The following CELF1 variants were observed in gnomAD, a reference collection of about 807,000 sequenced individuals.
CELF1 encodes CUGBP Elav-like family member 1.
In CELF1, 10 loss-of-function variants were observed where a neutral mutation model predicts 61.8. The observed-to-expected ratio is 0.16, with a 90% CI of 0.10 to 0.27. The LOEUF is 0.27. Ranked by LOEUF, CELF1 falls within the 10% of genes least tolerant of loss-of-function variation. The pLI is 1.00. For missense variants in CELF1, 380 were observed against 639.1 expected (o/e 0.59, Z 4.37); for synonymous variants, 236 against 225.1 (o/e 1.05, Z -0.43).
In CELF1 at chr11:47,482,521, T is replaced by G. The variant is rs146677464; in HGVS notation, c.768+174A>C. The G allele has an allele frequency of 2.2e-4, 116 of 523,388 alleles. 1 individual carries two copies. The highest frequency in any genetic ancestry group is 1.1e-3 in the African/African-American group (59 of 51,892). The allele number at this position is 523,388 out of a possible 1,614,324, so 32.4% of individuals were successfully genotyped here. On this transcript the variant is annotated intron_variant, in intron 9 of 14. Coordinates refer to ENST00000687097, the MANE Select transcript of CELF1 (RefSeq NM_001376376.1). ...ATGCATGTCCAGAGATACATATATATAGAGAGAGAAAGAGACTAACAGGAC... is the reference window on the plus strand; with the variant it reads ...ATGCATGTCCAGAGATACATATATAGAGAGAGAGAAAGAGACTAACAGGAC...
chr11:47,537,245 AT>A (rs544458768), intron 1 of CELF1, among the ~76,000 whole-genome samples: 26,942 of 133,416 alleles, frequency 0.2, 3,019 homozygotes, highest in African/African-American at 0.31. Context: ...TACCATACAA[AT>A]TTTTTTTTTT....
chr11:47,533,779 C>T (rs11822402), intron 1 of CELF1, among the ~76,000 whole-genome samples: 29,521 of 134,364 alleles, frequency 0.22, 3,591 homozygotes, highest in African/African-American at 0.33. Context: ...AAGTGCACTC[C>T]AGCCTGGGCA....
chr11:47,553,769 G>C (rs976047863), upstream of CELF1, among the ~76,000 whole-genome samples: 3 of 151,588 alleles, frequency 2.0e-5, no homozygotes, highest in Non-Finnish European at 4.4e-5. Flanking sequence ...TTAAGAGACC[G>C]ATTGCCCAGC....
In CELF1 at chr11:47,483,546, A is replaced by G; in HGVS notation, c.527-14T>C. The G allele has an allele frequency of 6.3e-7, 1 of 1,598,976 alleles. No homozygotes were observed. The highest frequency in any genetic ancestry group is 8.6e-7 in the Non-Finnish European group (1 of 1,166,240). ...CAAATGCACAACCTGGTAAGAGAAGAGTCAGTAACTCATGCATTCATTTAT... is the reference window on the plus strand; with the variant it reads ...CAAATGCACAACCTGGTAAGAGAAGGGTCAGTAACTCATGCATTCATTTAT... On this transcript the variant is annotated splice_polypyrimidine_tract_variant and intron_variant, in intron 7 of 14. Transcript: ENST00000687097.
Position 47,472,352 on chromosome 11 carries a change from C to T in CELF1, c.1423G>A (p.Val475Ile), listed in dbSNP as rs2077960639. Residue 475 changes from valine to isoleucine, a missense_variant, in exon 15 of 15, where the codon GTA (valine) becomes ATA (isoleucine). Val to Ile is a conservative substitution (Grantham distance 29). Coordinates refer to ENST00000687097, the MANE Select transcript of CELF1 (RefSeq NM_001376376.1). ...GCCGAAACAGGATTGTCGTAACTTA[C>T]AAAACCTGTGTGTCCAAGCAGAAAC... is the stretch of plus-strand genomic sequence containing the variant. ...QTNLSKCFGF[V>I]SYDNPVSAQA... 2 of 1,613,912 alleles carry T rather than the reference C, an allele frequency of 1.2e-6. No individual in the cohort carries two copies. Among genetic ancestry groups the T allele is most frequent in the South Asian group, 1.1e-5 (1 of 91,070 alleles).
chr11:47,498,478 C>T (rs2093474671), intron 3 of CELF1, among the ~76,000 whole-genome samples: 1 of 152,190 alleles, frequency 6.6e-6, no homozygotes, highest in African/African-American at 2.4e-5. Context: ...TTGGTATCTA[C>T]TATTATCCAC....
At chr11:47,473,719 G>T (rs983456046) in intron 13 of CELF1, among the ~76,000 whole-genome samples, 3 of 152,194 alleles carry the variant, frequency 2.0e-5, no homozygotes, top group Admixed American at 1.3e-4. Context: ...CTAATCTGTG[G>T]TGATGGTTGC....
chr11:47,489,868 T>C (rs1199415876), intron 3 of CELF1, among the ~76,000 whole-genome samples: 4 of 151,244 alleles, frequency 2.6e-5, no homozygotes, highest in East Asian at 1.9e-4. Flanking sequence ...CATTCCTATC[T>C]TGCCACTGTA....
intron 7 of CELF1, 40 bp downstream of exon 7, chr11:47,484,348 AC>A: frequency 6.3e-7 from 1 of 1,586,434 alleles, no homozygotes; most frequent in Non-Finnish European, 8.5e-7. Flanking sequence ...CCAAACCAAA[AC>A]AAAAAACCAA....
intron 1 of CELF1, among the ~76,000 whole-genome samples, chr11:47,502,509 C>CGT (rs951061666): frequency 7.9e-5 from 12 of 151,924 alleles, no homozygotes; most frequent in Middle Eastern, 3.4e-3. Flanking sequence ...CCCGTGTGTG[C>CGT]GTGTGTGTGT....
chr11:47,474,764 T>C (rs2079242803), intron 13 of CELF1, among the ~76,000 whole-genome samples: 1 of 152,234 alleles, frequency 6.6e-6, no homozygotes. Context: ...CTTCTATTCA[T>C]GTAAGTCACC....
Position 47,476,696 on chromosome 11 carries a change from G to C in CELF1, c.1087+150C>G, listed in dbSNP as rs551163803. The C allele has an allele frequency of 3.6e-5, 23 of 640,502 alleles. No individual in the cohort carries two copies. In the East Asian group the frequency reaches 5.1e-4, roughly 14 times the overall value. 39.7% of individuals were successfully genotyped at this position (640,502 alleles called of 1,614,324 possible). A position where few individuals can be genotyped will look rare whatever the true frequency, so the allele number is the denominator to read the frequency against. Reference sequence around the variant, plus strand: ...CCACCTTGACCTCCCAAAGTGCTGGGATTAGAGGTGTGAGCCACCACACCT... The same window carrying C: ...CCACCTTGACCTCCCAAAGTGCTGGCATTAGAGGTGTGAGCCACCACACCT... On this transcript the variant is annotated intron_variant, in intron 12 of 14. Coordinates refer to ENST00000687097, the MANE Select transcript of CELF1 (RefSeq NM_001376376.1).
intron 13 of CELF1, among the ~76,000 whole-genome samples, chr11:47,473,553 GA>G (rs2078627157): frequency 6.6e-6 from 1 of 152,148 alleles, no homozygotes. Flanking sequence ...GCTCAGAGAG[GA>G]ACACAGAAGA....
intron 3 of CELF1, chr11:47,494,553 C>A: frequency 1.1e-6 from 1 of 892,376 alleles, no homozygotes; most frequent in Non-Finnish European, 1.3e-6. Context: ...ACACTCTCTT[C>A]TCTTTCTCCT....
chr11:47,469,508 C>T lies in CELF1; in HGVS notation c.*2722G>A, dbSNP rs936338761. 2 of 152,298 alleles carry T rather than the reference C, an allele frequency of 1.3e-5. No individual in the cohort carries two copies. The highest frequency in any genetic ancestry group is 2.9e-5 in the Non-Finnish European group (2 of 68,060). The allele number at this position is 152,298 out of a possible 1,614,324, so 9.4% of individuals were successfully genotyped here. A position where few individuals can be genotyped will look rare whatever the true frequency, so the allele number is the denominator to read the frequency against. ...CACAACAGAAAAGGATTGCTTAAGA[C>T]TTGACAGCGAGTCTCCACTCTGAGC... On this transcript the variant is annotated 3_prime_UTR_variant, in exon 15 of 15. Coordinates refer to ENST00000687097, the MANE Select transcript of CELF1 (RefSeq NM_001376376.1).
intron 3 of CELF1, 122 bp from the exon 4 acceptor site, chr11:47,489,146 A>C: frequency 1.2e-6 from 1 of 834,500 alleles, no homozygotes; most frequent in Non-Finnish European, 1.7e-6. Context: ...TACTTCTTTC[A>C]CTACTTCCAT....
At chr11:47,558,549 T>A (rs1311535723) in intron 2 of CELF1, among the ~76,000 whole-genome samples, 12 of 114,572 alleles carry the variant, frequency 1.0e-4, no homozygotes, top group African/African-American at 1.9e-4. Context: ...ATATTTATAT[T>A]ATATATATTT....
At chr11:47,535,453 C>T (rs1281200519) in intron 1 of CELF1, among the ~76,000 whole-genome samples, 1 of 151,718 alleles carries the variant, frequency 6.6e-6, no homozygotes, top group African/African-American at 2.4e-5. Context: ...CCGAGGCAGG[C>T]GGATCAGTTG....
chr11:47,513,415 C>A (rs1310469066), intron 1 of CELF1, among the ~76,000 whole-genome samples: 1 of 152,054 alleles, frequency 6.6e-6, no homozygotes, highest in South Asian at 2.1e-4. Flanking sequence ...GGGGTTTTCC[C>A]CCCTGAAATT....
Sources: gnomAD v4.1 joint callset for allele counts (sites outside exome capture counted in the v4.1 genomes callset) on GRCh38, gnomAD v4.1.1 for gene constraint, MANE v1.5 for transcripts, NCBI Gene and HGNC (gene_info 2026-07-23, HGNC 2026-07-21) for gene names.